Variants in TRIM2 observed in about 807,000 individuals in gnomAD.
The protein encoded by TRIM2 is tripartite motif-containing protein 2.
Under a neutral mutation model 75.2 loss-of-function variants are expected in TRIM2, and 20 were observed. That is an observed-to-expected ratio of 0.27 (90% CI 0.19 to 0.39). The LOEUF (loss-of-function observed/expected upper bound fraction) is 0.39, where lower values mean the gene tolerates loss of function less well. Among genes scored for constraint, TRIM2 ranks in the 10% least tolerant of loss-of-function variants. The pLI, the probability that TRIM2 is intolerant of heterozygous loss-of-function variation, is 1.00. For synonymous variants in TRIM2, 373 were observed against 388.3 expected (o/e 0.96, Z 0.46); for missense variants, 660 against 990.8 (o/e 0.67, Z 4.48).
intron 1 of TRIM2, among the ~76,000 whole-genome samples, chr4:153,267,810 C>G (rs763867197): frequency 6.6e-6 from 1 of 151,742 alleles, no homozygotes; most frequent in African/African-American, 2.4e-5. Context: ...TTCTTTCTTT[C>G]GTAACCACCC....
intron 10 of TRIM2, 79 bp downstream of exon 10, chr4:153,324,227 C>G: frequency 8.1e-7 from 1 of 1,232,786 alleles, no homozygotes; most frequent in Non-Finnish European, 1.2e-6. Context: ...TAATGCAATA[C>G]TTACATATGG....
chr4:153,161,775 T>C (rs1431832657), intron 1 of TRIM2, among the ~76,000 whole-genome samples: 1 of 152,262 alleles, frequency 6.6e-6, no homozygotes, highest in Non-Finnish European at 1.5e-5. Flanking sequence ...TGGTCAATTA[T>C]GTCTAAGACT....
At chr4:153,175,332 G>GT (rs1731313345) in intron 1 of TRIM2, among the ~76,000 whole-genome samples, 2 of 152,018 alleles carry the variant, frequency 1.3e-5, no homozygotes, top group Admixed American at 6.6e-5. Flanking sequence ...AACTGGTGCA[G>GT]TTTTTTTCCG....
upstream of TRIM2, among the ~76,000 whole-genome samples, chr4:153,200,046 A>G (rs1376494840): frequency 6.7e-6 from 1 of 150,228 alleles, no homozygotes; most frequent in African/African-American, 2.5e-5. Context: ...GGTTCAAGCG[A>G]TTCTCCTGCC....
chr4:153,282,838 G>T (rs1459127778), intron 3 of TRIM2, among the ~76,000 whole-genome samples: 2 of 151,976 alleles, frequency 1.3e-5, no homozygotes, highest in African/African-American at 4.8e-5. Context: ...ACCCAGGCTG[G>T]AGTGCAGTGG....
intron 8 of TRIM2, among the ~76,000 whole-genome samples, chr4:153,316,290 A>G (rs184076099): frequency 2.0e-5 from 3 of 152,352 alleles, no homozygotes; most frequent in Admixed American, 6.5e-5. Flanking sequence ...CCTCAATTCA[A>G]TGAAAAACAA....
chr4:153,223,229 A>G (rs1015629121), intron 1 of TRIM2, among the ~76,000 whole-genome samples: 1 of 152,080 alleles, frequency 6.6e-6, no homozygotes, highest in Non-Finnish European at 1.5e-5. Flanking sequence ...GAGCAGCAGA[A>G]CCTGGACGCC....
At chr4:153,286,124 A>AT (rs1268221294) in intron 3 of TRIM2, among the ~76,000 whole-genome samples, 6 of 152,196 alleles carry the variant, frequency 3.9e-5, no homozygotes, top group Non-Finnish European at 1.5e-5. Context: ...AATGTGATGT[A>AT]TTACATACAG....
chr4:153,280,822 C>T (rs1258869804), intron 3 of TRIM2, among the ~76,000 whole-genome samples: 1 of 152,054 alleles, frequency 6.6e-6, no homozygotes, highest in African/African-American at 2.4e-5. Flanking sequence ...GTAGCTGGGA[C>T]TACAGATGCC....
At chr4:153,237,741 G>A (rs1159571140) in intron 1 of TRIM2, among the ~76,000 whole-genome samples, 1 of 152,182 alleles carries the variant, frequency 6.6e-6, no homozygotes, top group East Asian at 1.9e-4. Flanking sequence ...ACATTTATGA[G>A]TGGTAGTTGT....
At chr4:153,253,665 T>G (rs891468470) in intron 1 of TRIM2, among the ~76,000 whole-genome samples, 3 of 152,092 alleles carry the variant, frequency 2.0e-5, no homozygotes, top group Admixed American at 2.0e-4. Flanking sequence ...ACCTTGCTGA[T>G]AAAACAGGTT....
Position 153,336,784 on chromosome 4 carries a change from A to T in TRIM2, c.*1818A>T, listed in dbSNP as rs551977577. 1 of 985,592 alleles carries T rather than the reference A, an allele frequency of 1.0e-6. No homozygotes were observed. The highest frequency in any genetic ancestry group is 1.7e-5 in the African/African-American group (1 of 57,234). 61.1% of individuals were successfully genotyped at this position (985,592 alleles called of 1,614,324 possible). Reference sequence around the variant, plus strand: ...CTGTTAAATTTATTATGCCCAAATCAACCTCTGAAAAAAGGTTTTTCCAGG... The same window carrying T: ...CTGTTAAATTTATTATGCCCAAATCTACCTCTGAAAAAAGGTTTTTCCAGG... On this transcript the variant is annotated 3_prime_UTR_variant, in exon 12 of 12. Coordinates refer to ENST00000338700, the MANE Select transcript of TRIM2 (RefSeq NM_015271.5).
At position 153,295,496 on chromosome 4, in the gene TRIM2, G is replaced by T; in HGVS notation, c.970G>T (p.Asp324Tyr). ...QDFPLHPREN[D>Y]QLDFIVETEG... ...CTTCCCCTTGCACCCGCGGGAGAAC[G>T]ACCAGCTGGATTTCATCGTGGAAAC... is the stretch of plus-strand genomic sequence containing the variant. The change falls in exon 6 of 12, where the codon GAC (aspartate) becomes TAC (tyrosine). Residue 324 changes from aspartate (D) to tyrosine (Y), a missense_variant. Around this residue, in one of 2 missense-constraint regions of TRIM2, gnomAD observed 620 missense variants for 891.0 expected, o/e 0.70. Coordinates refer to ENST00000338700, the MANE Select transcript of TRIM2 (RefSeq NM_015271.5). This position sits in a 1 kb window ranked among gnomAD's most constrained non-coding sequence, Gnocchi z 7.2. The T allele has an allele frequency of 6.2e-7, 1 of 1,614,132 alleles. No individual in the cohort carries two copies. Among genetic ancestry groups the T allele is most frequent in the Non-Finnish European group, 8.5e-7 (1 of 1,180,032 alleles).
chr4:153,177,705 C>T (rs1427859144), intron 1 of TRIM2, among the ~76,000 whole-genome samples: 3 of 141,736 alleles, frequency 2.1e-5, no homozygotes, highest in Non-Finnish European at 3.0e-5. Context: ...GATGGTGGCT[C>T]GCTCCTTCCT....
rs534098924 is a variant in TRIM2 at position 153,269,105 on chromosome 4, G to A, written c.31-1230G>A. ...TGCCCTCCTAGAGTATGTGCCTAGGGTCTATAAATTAAAGTGACAAAAGAC... is the reference window on the plus strand; with the variant it reads ...TGCCCTCCTAGAGTATGTGCCTAGGATCTATAAATTAAAGTGACAAAAGAC... On this transcript the variant is annotated intron_variant, in intron 1 of 11. Coordinates refer to ENST00000338700, the MANE Select transcript of TRIM2 (RefSeq NM_015271.5). Among the ~76,000 whole-genome samples the A allele has an allele frequency of 4.9e-4, 74 of 152,228 alleles. No homozygotes were observed. In the South Asian group the frequency reaches 0.015, roughly 31 times the overall value.
chr4:153,310,552 T>C (rs1189158164), intron 6 of TRIM2, among the ~76,000 whole-genome samples: 1 of 152,240 alleles, frequency 6.6e-6, no homozygotes, highest in African/African-American at 2.4e-5. Context: ...ATAGTTGGCA[T>C]CAATTGTCTT....
intron 1 of TRIM2, among the ~76,000 whole-genome samples, chr4:153,247,995 G>GT (rs34416658): frequency 0.24 from 31,458 of 128,608 alleles, 4,849 homozygotes; most frequent in African/African-American, 0.43. Context: ...TGGATCATGT[G>GT]TTTTTTTTTT....
chr4:153,243,579 C>A (rs1032099085), intron 1 of TRIM2, among the ~76,000 whole-genome samples: 1 of 152,172 alleles, frequency 6.6e-6, no homozygotes, highest in African/African-American at 2.4e-5. Flanking sequence ...ACCTGATAGG[C>A]AGCCAGCTGT....
At chr4:153,246,995 C>T (rs1032358602) in intron 1 of TRIM2, among the ~76,000 whole-genome samples, 4 of 152,170 alleles carry the variant, frequency 2.6e-5, no homozygotes, top group African/African-American at 9.7e-5. Flanking sequence ...GGAAGTGAGG[C>T]CTCCCGTTCT....
Sources: gnomAD v4.1 joint callset for allele counts (sites outside exome capture counted in the v4.1 genomes callset) on GRCh38, gnomAD v4.1.1 for gene constraint, gnomAD v4.1.1 regional missense constraint, Gnocchi (gnomAD v3.1) non-coding constraint, MANE v1.5 for transcripts, NCBI Gene and HGNC (gene_info 2026-07-23, HGNC 2026-07-21) for gene names.